CSNK1E: variants seen among roughly 807,000 people sequenced by gnomAD.
The protein encoded by CSNK1E is casein kinase I isoform epsilon.
CSNK1E carries 17 observed loss-of-function variants against 46.1 expected under a neutral mutation model. That is an observed-to-expected ratio of 0.37 (90% confidence interval 0.25 to 0.55). CSNK1E has a LOEUF of 0.55. Among genes scored for constraint, CSNK1E ranks in the 20% least tolerant of loss-of-function variants. The probability of loss-of-function intolerance (pLI) is 0.82; values close to 1 mark genes in which losing one functional copy is unlikely to be tolerated. For synonymous variants in CSNK1E, 241 were observed against 242.6 expected (o/e 0.99, Z 0.06); for missense variants, 386 against 595.4 (o/e 0.65, Z 3.66).
rs71324902 is a variant in CSNK1E at position 38,291,338 on chromosome 22, C to CCACA, written c.*629_*632dup. 0.051 allele frequency: 7,561 copies of CCACA among 147,882 alleles called. 339 individuals are homozygous for CCACA. The highest frequency in any genetic ancestry group is 0.12 in the African/African-American group (4,979 of 40,154). 9.2% of individuals were successfully genotyped at this position (147,882 alleles called of 1,614,324 possible). A position where few individuals can be genotyped will look rare whatever the true frequency, so the allele number is the denominator to read the frequency against. On this transcript the variant is annotated 3_prime_UTR_variant, in exon 11 of 11. Transcript: ENST00000396832. Reference sequence around the variant, plus strand: ...TCTTGGGAAACACAGGTCAATACATCCACACACACACACACACACACACAC... The same window carrying CCACA: ...TCTTGGGAAACACAGGTCAATACATCCACACACACACACACACACACACACACAC...
chr22:38,296,368 G>A, intron 7 of CSNK1E: 1 of 1,390,828 alleles, frequency 7.2e-7, no homozygotes. Flanking sequence ...GCTGAGAGTG[G>A]CTTCCAGGCC....
intron 7 of CSNK1E, chr22:38,296,655 C>T (rs1368299541): frequency 6.2e-7 from 1 of 1,612,830 alleles, no homozygotes; most frequent in Non-Finnish European, 8.5e-7. Flanking sequence ...GGCGGTCAGA[C>T]CAGCAGCAGT....
chr22:38,295,433 G>T (rs1052488247), intron 7 of CSNK1E: 22 of 980,884 alleles, frequency 2.2e-5, no homozygotes, highest in Non-Finnish European at 2.7e-5. Flanking sequence ...GGGGCTGGCA[G>T]GAAGGGGGCC....
intron 2 of CSNK1E, among the ~76,000 whole-genome samples, chr22:38,308,949 C>T (rs2145847293): frequency 6.6e-6 from 1 of 152,264 alleles, no homozygotes; most frequent in South Asian, 2.1e-4. Context: ...GGCCTTCAGC[C>T]TGAGGCACCA....
rs1274345269 is a variant in CSNK1E, at chr22:38,291,215, G to C, written c.*756C>G. 6.6e-6 allele frequency: 1 copy of C among 152,284 alleles called. No homozygotes were observed. The highest frequency in any genetic ancestry group is 6.5e-5 in the Admixed American group (1 of 15,286). The allele number at this position is 152,284 out of a possible 1,614,324, so 9.4% of individuals were successfully genotyped here. A position where few individuals can be genotyped will look rare whatever the true frequency, so the allele number is the denominator to read the frequency against. ...GCAGCGAGGACCCTCTGAGCTCTGA[G>C]GGATGCGGAGGTCACCGCCCACCCC... On this transcript the variant is annotated 3_prime_UTR_variant, in exon 11 of 11. Coordinates refer to ENST00000396832, the MANE Select transcript of CSNK1E (RefSeq NM_152221.3).
rs751794964 is a variant in CSNK1E, at chr22:38,294,098, G to C, written c.1218+11C>G. 5.0e-6 allele frequency: 8 copies of C among 1,607,306 alleles called. No individual in the cohort carries two copies. The highest frequency in any genetic ancestry group is 6.8e-6 in the Non-Finnish European group (8 of 1,179,142). On this transcript the variant is annotated intron_variant, in intron 9 of 10. Transcript: ENST00000396832. The surrounding 1 kb of genome is among the most constrained non-coding windows in gnomAD (Gnocchi z 5.5). ...CTGAGGCCCAGAGGGACTGGCAGGG[G>C]GGCAGCTCACCTGTGAGGCTGGGAT...
At chr22:38,306,296 T>C (rs980984142) in intron 2 of CSNK1E, among the ~76,000 whole-genome samples, 2 of 152,234 alleles carry the variant, frequency 1.3e-5, no homozygotes, top group Admixed American at 6.5e-5. Flanking sequence ...GACGCTTCAC[T>C]GGATACTGTG....
At chr22:38,297,925 T>G in intron 7 of CSNK1E, 1 of 1,110,460 alleles carries the variant, frequency 9.0e-7, no homozygotes, top group Non-Finnish European at 1.1e-6. Flanking sequence ...GGCCAGTAGT[T>G]TTGGGGGGAC....
chr22:38,313,353 GCACCAA>G (rs1328365951), intron 2 of CSNK1E, among the ~76,000 whole-genome samples: 1 of 152,190 alleles, frequency 6.6e-6, no homozygotes, highest in African/African-American at 2.4e-5. Context: ...TAATCCACAA[GCACCAA>G]CACTAAATAC....
chr22:38,299,692 T>C (rs1427915384), intron 6 of CSNK1E, among the ~76,000 whole-genome samples: 1 of 152,246 alleles, frequency 6.6e-6, no homozygotes, highest in Non-Finnish European at 1.5e-5. Flanking sequence ...GTATTTTTAG[T>C]AGAGACAGGG....
At chr22:38,301,095 A>G in intron 4 of CSNK1E, 143 bp from the exon 5 acceptor site, 1 of 667,098 alleles carries the variant, frequency 1.5e-6, no homozygotes, top group East Asian at 2.7e-5. Flanking sequence ...GGGGCAGGCC[A>G]GAGAAGGCCT....
intron 1 of CSNK1E, 149 bp from the exon 2 acceptor site, chr22:38,314,318 C>T: frequency 3.1e-6 from 2 of 635,032 alleles, no homozygotes; most frequent in Admixed American, 2.3e-5. Context: ...CCACAGCCTG[C>T]ACTCCACACA....
chr22:38,314,649 C>G (rs1322366504), intron 1 of CSNK1E, among the ~76,000 whole-genome samples: 1 of 152,192 alleles, frequency 6.6e-6, no homozygotes, highest in Non-Finnish European at 1.5e-5. Context: ...GCCACCTCCC[C>G]ATCTCTACGT....
rs2092654501 is a variant in CSNK1E at position 38,298,689 on chromosome 22, T to C, written c.885+97A>G. 9.9e-6 allele frequency: 14 copies of C among 1,413,940 alleles called. No homozygotes were observed. Among genetic ancestry groups the C allele is most frequent in the Non-Finnish European group, 1.4e-5 (14 of 1,012,510 alleles). The allele number at this position is 1,413,940 out of a possible 1,614,324, so 87.6% of individuals were successfully genotyped here. A position where few individuals can be genotyped will look rare whatever the true frequency, so the allele number is the denominator to read the frequency against. On this transcript the variant is annotated intron_variant, in intron 7 of 10. Coordinates refer to ENST00000396832, the MANE Select transcript of CSNK1E (RefSeq NM_152221.3). The surrounding 1 kb of genome is among the most constrained non-coding windows in gnomAD (Gnocchi z 4.2). ...CTGTCCAGCTCGTACCTCCCGTCTG[T>C]CGGGAGCCCCTCCCGCCACCAGCTC...
chr22:38,305,392 G>C (rs933786608), intron 2 of CSNK1E, among the ~76,000 whole-genome samples: 1 of 140,196 alleles, frequency 7.1e-6, no homozygotes, highest in East Asian at 2.1e-4. Flanking sequence ...GTTAGGCAAA[G>C]CTTTTATTTT....
chr22:38,311,808 CTTTT>C (rs71296618), intron 2 of CSNK1E, among the ~76,000 whole-genome samples: 7 of 140,276 alleles, frequency 5.0e-5, no homozygotes, highest in African/African-American at 1.1e-4. Flanking sequence ...TTCTTTCCTT[CTTTT>C]TTTTTTTTTT....
In CSNK1E at chr22:38,298,647, C is replaced by G. The variant is rs1167867482; in HGVS notation, c.885+139G>C. 1.0e-6 allele frequency: 1 copy of G among 969,490 alleles called. No homozygotes were observed. The highest frequency in any genetic ancestry group is 1.6e-6 in the Non-Finnish European group (1 of 639,212). 60.1% of individuals were successfully genotyped at this position (969,490 alleles called of 1,614,324 possible). A position where few individuals can be genotyped will look rare whatever the true frequency, so the allele number is the denominator to read the frequency against. ...ATGAGGCTGGAGGGCTCTGGGACCC[C>G]AGTGAGGTCAACCACACTGTCCAGC... On this transcript the variant is annotated intron_variant, in intron 7 of 10. Transcript: ENST00000396832. The surrounding 1 kb of genome is among the most constrained non-coding windows in gnomAD (Gnocchi z 4.2).
intron 7 of CSNK1E, among the ~76,000 whole-genome samples, chr22:38,295,811 T>C (rs1333204770): frequency 6.6e-6 from 1 of 152,170 alleles, no homozygotes; most frequent in East Asian, 1.9e-4. Context: ...CAGAAGCCTC[T>C]CAGGCAGGCC....
Position 38,298,855 on chromosome 22 carries a change from G to C in CSNK1E, c.816C>G (p.Leu272=). The change falls in exon 7 of 11, where the codon CTC becomes CTG. Residue 272 remains leucine (L), a synonymous_variant. Transcript: ENST00000396832. This position sits in a 1 kb window ranked among gnomAD's most constrained non-coding sequence, Gnocchi z 4.2. ...DKPDYSYLRQ[L]FRNLFHRQGF... ...CCTGCCGGTGGAAGAGGTTGCGGAAGAGCTGACGTAGGTAAGAGTAGTCGG... is the reference window on the plus strand; with the variant it reads ...CCTGCCGGTGGAAGAGGTTGCGGAACAGCTGACGTAGGTAAGAGTAGTCGG... The C allele has an allele frequency of 6.2e-7, 1 of 1,614,204 alleles. No individual in the cohort carries two copies. The highest frequency in any genetic ancestry group is 8.5e-7 in the Non-Finnish European group (1 of 1,180,030).
Sources: allele counts gnomAD v4.1 joint callset (sites outside exome capture counted in the v4.1 genomes callset), GRCh38; gene constraint gnomAD v4.1.1; non-coding constraint Gnocchi (gnomAD v3.1); transcripts MANE v1.5; gene names NCBI Gene and HGNC (gene_info 2026-07-23, HGNC 2026-07-21).